Variants in PCDH9 observed in about 807,000 individuals in gnomAD.
The protein encoded by PCDH9 is protocadherin-9.
A neutral mutation model predicts 70.6 loss-of-function variants in PCDH9; 24 were observed. The observed-to-expected ratio is 0.34, with a 90% CI of 0.25 to 0.48. PCDH9 has a LOEUF of 0.48. Ranked by LOEUF, PCDH9 falls within the 20% of genes least tolerant of loss-of-function variation. The pLI is 0.99. For synonymous variants in PCDH9, 562 were observed against 558.5 expected, an observed-to-expected ratio of 1.01 and a Z score of -0.09; for missense variants, 1,281 against 1,503.6, an observed-to-expected ratio of 0.85 and a Z score of 2.45.
intron 4 of PCDH9, among the ~76,000 whole-genome samples, chr13:66,403,749 G>A (rs1957230628): frequency 6.6e-6 from 1 of 152,092 alleles, no homozygotes; most frequent in African/African-American, 2.4e-5. Context: ...TAGCCTTTGA[G>A]TTGTCATCTC....
chr13:66,769,315 T>C (rs1159894597), intron 3 of PCDH9, among the ~76,000 whole-genome samples: 2 of 152,186 alleles, frequency 1.3e-5, no homozygotes, highest in African/African-American at 2.4e-5. Context: ...ATTGGACCTA[T>C]GGGAGTTTGA....
chr13:66,590,732 A>G (rs2077028215), intron 4 of PCDH9, among the ~76,000 whole-genome samples: 1 of 151,886 alleles, frequency 6.6e-6, no homozygotes, highest in Admixed American at 6.6e-5. Flanking sequence ...TTTCTAGCTC[A>G]CACTCAGAAA....
intron 2 of PCDH9, among the ~76,000 whole-genome samples, chr13:67,032,362 T>C (rs1464789171): frequency 4.6e-5 from 7 of 151,796 alleles, no homozygotes; most frequent in Non-Finnish European, 7.4e-5. Flanking sequence ...TGGGGTTTCA[T>C]CATGCTACCC....
intron 4 of PCDH9, among the ~76,000 whole-genome samples, chr13:66,473,190 T>C (rs1396625977): frequency 1.3e-5 from 2 of 152,096 alleles, no homozygotes; most frequent in Non-Finnish European, 2.9e-5. Context: ...ATATATTTTA[T>C]GATTATTATC....
At chr13:67,116,029 G>A (rs1416200913) in intron 2 of PCDH9, among the ~76,000 whole-genome samples, 2 of 152,040 alleles carry the variant, frequency 1.3e-5, no homozygotes, top group African/African-American at 4.8e-5. Flanking sequence ...AATCCTCCAA[G>A]TACCCATTTC....
At chr13:66,452,701 G>C (rs1958238177) in intron 4 of PCDH9, among the ~76,000 whole-genome samples, 1 of 152,006 alleles carries the variant, frequency 6.6e-6, no homozygotes, top group Admixed American at 6.6e-5. Flanking sequence ...TTGCAAATAA[G>C]AGTTTGCAAT....
At chr13:67,176,684 T>A (rs922545162) in intron 2 of PCDH9, among the ~76,000 whole-genome samples, 7 of 152,024 alleles carry the variant, frequency 4.6e-5, no homozygotes, top group African/African-American at 1.7e-4. Context: ...TAAGAATACA[T>A]TATTTCCCCC....
chr13:66,946,434 C>T (rs1399634192), intron 2 of PCDH9, among the ~76,000 whole-genome samples: 6 of 152,034 alleles, frequency 3.9e-5, no homozygotes, highest in Non-Finnish European at 8.8e-5. Context: ...CTTTGCAGGG[C>T]CAAGGCGGGA....
chr13:66,806,312 A>G (rs528029312), intron 3 of PCDH9, among the ~76,000 whole-genome samples: 1 of 152,274 alleles, frequency 6.6e-6, no homozygotes, highest in African/African-American at 2.4e-5. Context: ...ATAAATACAG[A>G]ATAGCCCCAG....
intron 3 of PCDH9, among the ~76,000 whole-genome samples, chr13:66,840,839 A>C (rs1260607434): frequency 6.6e-6 from 1 of 152,230 alleles, no homozygotes; most frequent in Non-Finnish European, 1.5e-5. Context: ...CAGCTGGGAA[A>C]TCCCCGAAGG....
chr13:66,916,709 C>T (rs1002618801), intron 2 of PCDH9, among the ~76,000 whole-genome samples: 1 of 151,536 alleles, frequency 6.6e-6, no homozygotes, highest in African/African-American at 2.4e-5. Flanking sequence ...CCAACCTGTA[C>T]TTTGTGTTTT....
intron 4 of PCDH9, among the ~76,000 whole-genome samples, chr13:66,557,156 T>C (rs1961773882): frequency 6.6e-6 from 1 of 152,130 alleles, no homozygotes; most frequent in Non-Finnish European, 1.5e-5. Flanking sequence ...GAGGAGAATA[T>C]AAGAGGAAAT....
At chr13:66,328,028 A>T (rs1955877261) in intron 4 of PCDH9, among the ~76,000 whole-genome samples, 1 of 152,334 alleles carries the variant, frequency 6.6e-6, no homozygotes, top group South Asian at 2.1e-4. Context: ...TGAAAACATA[A>T]ATAAAATATC....
intron 4 of PCDH9, among the ~76,000 whole-genome samples, chr13:66,370,399 C>T (rs371662651): frequency 4.6e-4 from 70 of 152,014 alleles, no homozygotes; most frequent in African/African-American, 1.5e-3. Flanking sequence ...CTTTTTGTTT[C>T]GGTAAAGTGT....
At chr13:67,083,909 T>C (rs1008875765) in intron 2 of PCDH9, among the ~76,000 whole-genome samples, 6 of 152,194 alleles carry the variant, frequency 3.9e-5, no homozygotes, top group Admixed American at 2.0e-4. Context: ...TTCCTGTAAA[T>C]GTAGGACACG....
At chr13:66,844,852 C>T (rs1594137846) in intron 3 of PCDH9, among the ~76,000 whole-genome samples, 1 of 151,918 alleles carries the variant, frequency 6.6e-6, no homozygotes, top group Admixed American at 6.5e-5. Context: ...CTCTCTAGGG[C>T]AAAGAAAATA....
At position 66,980,730 on chromosome 13, in the gene PCDH9, G is replaced by GTTTTTTTTTT; in HGVS notation, c.3037-77135_3037-77126dup. Among the ~76,000 whole-genome samples, 228 of 70,866 alleles carry GTTTTTTTTTT rather than the reference G, an allele frequency of 3.2e-3. 6 individuals are homozygous for GTTTTTTTTTT. Among genetic ancestry groups the GTTTTTTTTTT allele is most frequent in the Middle Eastern group, 0.017 (1 of 60 alleles). 46.5% of individuals were successfully genotyped at this position (70,866 alleles called of 152,430 possible). ...TTTGTTTTTTCCTGTTTTTTTCTTTGTTTTTTTTTTTGTTTTTTTTTTTAC... is the reference window on the plus strand; with the variant it reads ...TTTGTTTTTTCCTGTTTTTTTCTTTGTTTTTTTTTTTTTTTTTTTTTGTTTTTTTTTTTAC... On this transcript the variant is annotated intron_variant, in intron 2 of 4. Coordinates refer to ENST00000377865, the MANE Select transcript of PCDH9 (RefSeq NM_203487.3).
chr13:66,788,692 A>G (rs1165127808), intron 3 of PCDH9, among the ~76,000 whole-genome samples: 2 of 113,390 alleles, frequency 1.8e-5, no homozygotes, highest in African/African-American at 6.8e-5. Context: ...CCAAGTCAGT[A>G]TCTTAAAGGC....
rs549490981 is a variant in PCDH9 at position 66,841,924 on chromosome 13, A to G, written c.3138+61580T>C. ...AGTGATTATGGGATCAGTTAAGACA[A>G]TGTGAGAAAAACTATGACATTCCAA... On this transcript the variant is annotated intron_variant, in intron 3 of 4. Coordinates refer to ENST00000377865, the MANE Select transcript of PCDH9 (RefSeq NM_203487.3). Among the ~76,000 whole-genome samples, 28 of 152,308 alleles carry G rather than the reference A, an allele frequency of 1.8e-4. 1 individual carries two copies. Among genetic ancestry groups the G allele is most frequent in the Admixed American group, 1.8e-3 (28 of 15,300 alleles).
Sources: allele counts gnomAD v4.1 joint callset (sites outside exome capture counted in the v4.1 genomes callset), GRCh38; gene constraint gnomAD v4.1.1; transcripts MANE v1.5; gene names NCBI Gene and HGNC (gene_info 2026-07-23, HGNC 2026-07-21).